The following FCHO2 variants were observed in gnomAD, a reference collection of about 807,000 sequenced individuals.
The protein encoded by FCHO2 is FCH and mu domain containing endocytic adaptor 2.
A neutral mutation model predicts 114.1 loss-of-function variants in FCHO2; 43 were observed. That is an observed-to-expected ratio of 0.38 (90% CI 0.30 to 0.49). The LOEUF (loss-of-function observed/expected upper bound fraction) is 0.49, where lower values mean the gene tolerates loss of function less well. Ranked by LOEUF, FCHO2 falls within the 20% of genes least tolerant of loss-of-function variation. FCHO2 has a pLI of 0.97. For missense variants in FCHO2, 807 were observed against 950.4 expected (o/e 0.85, Z 1.98); for synonymous variants, 293 against 315.2 (o/e 0.93, Z 0.75).
chr5:72,980,799 A>T (rs1030488530), intron 2 of FCHO2, among the ~76,000 whole-genome samples: 6 of 152,050 alleles, frequency 3.9e-5, no homozygotes, highest in African/African-American at 1.2e-4. Flanking sequence ...TTGCTTGGTA[A>T]ATATTCCTCC....
chr5:72,971,266 G>A (rs1752536922), intron 2 of FCHO2, among the ~76,000 whole-genome samples: 1 of 151,940 alleles, frequency 6.6e-6, no homozygotes, highest in Admixed American at 6.6e-5. Context: ...GATCCCTGAG[G>A]AATCGCCACA....
intron 7 of FCHO2, among the ~76,000 whole-genome samples, chr5:73,017,008 A>T (rs1414469507): frequency 6.6e-6 from 1 of 152,166 alleles, no homozygotes; most frequent in Non-Finnish European, 1.5e-5. Flanking sequence ...GCGTGAGGCT[A>T]TGTGTTAAGG....
chr5:72,983,209 C>A (rs12653327), intron 2 of FCHO2, among the ~76,000 whole-genome samples: 1 of 152,008 alleles, frequency 6.6e-6, no homozygotes, highest in South Asian at 2.1e-4. Flanking sequence ...CCACCATGCC[C>A]GGCCTTTTTA....
At chr5:73,073,016 A>G (rs535750594) in intron 19 of FCHO2, among the ~76,000 whole-genome samples, 1 of 152,250 alleles carries the variant, frequency 6.6e-6, no homozygotes, top group East Asian at 1.9e-4. Context: ...TATTAGGGAA[A>G]AAAGTGGATT....
At chr5:72,971,369 C>G (rs957758182) in intron 2 of FCHO2, among the ~76,000 whole-genome samples, 1 of 151,954 alleles carries the variant, frequency 6.6e-6, no homozygotes, top group Non-Finnish European at 1.5e-5. Context: ...CCTGTTGTTT[C>G]CTGACTTTTT....
intron 8 of FCHO2, among the ~76,000 whole-genome samples, chr5:73,019,540 TAAAAA>T (rs1755495715): frequency 6.6e-6 from 1 of 151,966 alleles, no homozygotes; most frequent in African/African-American, 2.4e-5. Context: ...GACTCCGTCT[TAAAAA>T]AATAAAAAAG....
intron 2 of FCHO2, among the ~76,000 whole-genome samples, chr5:72,984,462 T>C (rs1753394831): frequency 6.6e-6 from 1 of 152,200 alleles, no homozygotes; most frequent in Admixed American, 6.5e-5. Flanking sequence ...ATTATTGTTT[T>C]TTCCTTATGT....
At chr5:72,986,674 T>TTATTTGA (rs2112658563) in intron 2 of FCHO2, among the ~76,000 whole-genome samples, 1 of 152,338 alleles carries the variant, frequency 6.6e-6, no homozygotes, top group South Asian at 2.1e-4. Flanking sequence ...TAAGTATCCC[T>TTATTTGA]TATTTGAAAT....
intron 1 of FCHO2, among the ~76,000 whole-genome samples, chr5:72,958,295 G>A (rs1751665919): frequency 6.6e-6 from 1 of 151,418 alleles, no homozygotes; most frequent in South Asian, 2.1e-4. Context: ...TTGTTTTCTT[G>A]TAAGGGTTTT....
At chr5:73,059,659 A>G (rs1757759627) in intron 17 of FCHO2, among the ~76,000 whole-genome samples, 1 of 152,150 alleles carries the variant, frequency 6.6e-6, no homozygotes, top group South Asian at 2.1e-4. Flanking sequence ...CTAAACACTA[A>G]ACGCTATTTG....
chr5:73,035,183 T>TGAGGCA (rs1273994323), intron 9 of FCHO2, among the ~76,000 whole-genome samples: 1 of 152,096 alleles, frequency 6.6e-6, no homozygotes, highest in Non-Finnish European at 1.5e-5. Flanking sequence ...TTTGGGAGGC[T>TGAGGCA]GAGGCAGGAG....
intron 16 of FCHO2, among the ~76,000 whole-genome samples, chr5:73,057,389 A>C (rs1381919017): frequency 2.0e-5 from 3 of 152,138 alleles, no homozygotes; most frequent in African/African-American, 7.2e-5. Flanking sequence ...TTTAGGAGTC[A>C]TACAGTTGCA....
intron 16 of FCHO2, among the ~76,000 whole-genome samples, chr5:73,058,183 AT>A (rs1554073734): frequency 1.3e-5 from 2 of 151,562 alleles, no homozygotes; most frequent in Non-Finnish European, 2.9e-5. Flanking sequence ...ATTTAAAAAA[AT>A]TTTTTTGTGT....
At chr5:73,081,720 T>C in intron 22 of FCHO2, 63 bp from the exon 23 acceptor site, 1 of 1,250,624 alleles carries the variant, frequency 8.0e-7, no homozygotes, top group East Asian at 2.7e-5. Flanking sequence ...AGTGTCCATG[T>C]CATTAACATG....
chr5:73,001,467 A>C (rs1754433272), intron 5 of FCHO2, among the ~76,000 whole-genome samples: 1 of 151,470 alleles, frequency 6.6e-6, no homozygotes, highest in Non-Finnish European at 1.5e-5. Flanking sequence ...AAAAAAAAAA[A>C]AAAAGAAATG....
chr5:73,080,192 A>G (rs543596609), intron 22 of FCHO2, among the ~76,000 whole-genome samples: 165 of 152,348 alleles, frequency 1.1e-3, no homozygotes, highest in Admixed American at 2.1e-3. Flanking sequence ...CTATGGAAAG[A>G]TGCTTCATGT....
rs377690868 is a variant in FCHO2 at position 73,034,710 on chromosome 5, A to G, written c.841+9A>G. On this transcript the variant is annotated intron_variant, in intron 9 of 25. Transcript: ENST00000430046. ...TGCTAGTGCAGTTGAAGGTAAGTTG[A>G]TTAGTTATAATATGTTAATGCACAT... 1.4e-5 allele frequency: 23 copies of G among 1,589,108 alleles called. No homozygotes were observed. Among genetic ancestry groups the G allele is most frequent in the Non-Finnish European group, 2.0e-5 (23 of 1,169,470 alleles).
intron 10 of FCHO2, 59 bp from the exon 11 acceptor site, chr5:73,041,232 C>G (rs182840701): frequency 8.9e-7 from 1 of 1,117,776 alleles, no homozygotes; most frequent in African/African-American, 1.5e-5. Context: ...ATACTTTAAA[C>G]AAGCATAATT....
At chr5:72,970,951 T>C (rs1279610677) in intron 2 of FCHO2, among the ~76,000 whole-genome samples, 1 of 152,114 alleles carries the variant, frequency 6.6e-6, no homozygotes, top group Non-Finnish European at 1.5e-5. Context: ...ATATGCGGTG[T>C]TTGGTTTTTT....
Sources: gnomAD v4.1 joint callset for allele counts (sites outside exome capture counted in the v4.1 genomes callset) on GRCh38, gnomAD v4.1.1 for gene constraint, MANE v1.5 for transcripts, NCBI Gene and HGNC (gene_info 2026-07-23, HGNC 2026-07-21) for gene names.